Variants in GLRA3 observed in about 807,000 individuals in gnomAD.
GLRA3 encodes the protein glycine receptor subunit alpha-3.
Under a neutral mutation model 60.4 loss-of-function variants are expected in GLRA3, and 44 were observed. The ratio of observed to expected loss-of-function variants is 0.73; its 90% confidence interval spans 0.57 to 0.94. GLRA3 has a LOEUF of 0.94. GLRA3 is among the 40% of genes least tolerant of loss of function. The pLI is 0.00. For synonymous variants in GLRA3, 223 were observed against 192.9 expected, an observed-to-expected ratio of 1.16 and a Z score of -1.29; for missense variants, 508 against 564.6, an observed-to-expected ratio of 0.90 and a Z score of 1.02.
chr4:174,739,790 C>T (rs1434591559), intron 3 of GLRA3, among the ~76,000 whole-genome samples: 1 of 152,096 alleles, frequency 6.6e-6, no homozygotes, highest in Admixed American at 6.6e-5. Flanking sequence ...GGAAAGATGA[C>T]TCAGAAGGCA....
At position 174,741,954 on chromosome 4, in the gene GLRA3, A is replaced by G. The variant is rs546675028; in HGVS notation, c.268-13256T>C. ...TGAGTTTTGCTCATCTTTGAATCCAAATATATAAAATGTTTTTTCTTTTGC... is the reference window on the plus strand; with the variant it reads ...TGAGTTTTGCTCATCTTTGAATCCAGATATATAAAATGTTTTTTCTTTTGC... On this transcript the variant is annotated intron_variant, in intron 3 of 9. Coordinates refer to ENST00000274093, the MANE Select transcript of GLRA3 (RefSeq NM_006529.4). Among the ~76,000 whole-genome samples the G allele has an allele frequency of 1.3e-5, 2 of 152,268 alleles. 1 individual carries two copies. Among genetic ancestry groups the G allele is most frequent in the South Asian group, 4.1e-4 (2 of 4,828 alleles).
intron 7 of GLRA3, among the ~76,000 whole-genome samples, chr4:174,675,596 C>CCA (rs1734088065): frequency 6.6e-6 from 1 of 152,122 alleles, no homozygotes. Flanking sequence ...GAAATTTCCA[C>CCA]TATTACCCAG....
At chr4:174,671,046 A>G (rs916157578) in intron 7 of GLRA3, among the ~76,000 whole-genome samples, 2 of 151,856 alleles carry the variant, frequency 1.3e-5, no homozygotes, top group African/African-American at 2.4e-5. Flanking sequence ...GAATCATATT[A>G]GCTAGTATGA....
intron 4 of GLRA3, among the ~76,000 whole-genome samples, chr4:174,724,903 G>A (rs571477523): frequency 6.6e-6 from 1 of 152,190 alleles, no homozygotes; most frequent in South Asian, 2.1e-4. Flanking sequence ...TGTTTTTCCT[G>A]CATAAGATAT....
intron 9 of GLRA3, 57 bp downstream of exon 9, chr4:174,656,686 G>C: frequency 1.1e-6 from 1 of 934,472 alleles, no homozygotes; most frequent in Non-Finnish European, 1.8e-6. Flanking sequence ...AGAATATGCT[G>C]TCTGCTTTTT....
In GLRA3 at chr4:174,644,227, A is replaced by G. The variant is rs1228171277; in HGVS notation, c.1117-163T>C. On this transcript the variant is annotated intron_variant, in intron 9 of 9. Coordinates refer to ENST00000274093, the MANE Select transcript of GLRA3 (RefSeq NM_006529.4). Reference sequence around the variant, plus strand: ...TGAATTGGTTTTTATTCCCTATTGAAGTTTTATTAATTTATCTTGCTGCAT... The same window carrying G: ...TGAATTGGTTTTTATTCCCTATTGAGGTTTTATTAATTTATCTTGCTGCAT... 1.3e-5 allele frequency among the ~76,000 whole-genome samples: 2 copies of G among 152,168 alleles called. 1 individual carries two copies. The highest frequency in any genetic ancestry group is 4.1e-4 in the South Asian group (2 of 4,830).
intron 1 of GLRA3, among the ~76,000 whole-genome samples, chr4:174,823,449 T>C (rs1740830105): frequency 6.6e-6 from 1 of 151,964 alleles, no homozygotes. Flanking sequence ...TGCTTGAACC[T>C]GGGAGGCAGA....
intron 2 of GLRA3, among the ~76,000 whole-genome samples, chr4:174,783,694 A>T (rs564953983): frequency 4.6e-4 from 68 of 148,144 alleles, no homozygotes; most frequent in African/African-American, 1.6e-3. Context: ...GAAGACATTT[A>T]TGCAGCCAAA....
At position 174,642,791 on chromosome 4, in the gene GLRA3, G is replaced by A. The variant is rs1296851281; in HGVS notation, c.*995C>T. 8.7e-6 allele frequency: 7 copies of A among 802,138 alleles called. No homozygotes were observed. The highest frequency in any genetic ancestry group is 1.1e-5 in the Non-Finnish European group (7 of 663,374). The allele number at this position is 802,138 out of a possible 1,614,324, so 49.7% of individuals were successfully genotyped here. The stretch of plus-strand genomic sequence containing the variant: ...CCCATAAAACATTGATGGGAAAATG[G>A]TTTTTATTAAAAAATCTTCCATGAA... On this transcript the variant is annotated 3_prime_UTR_variant, in exon 10 of 10. Transcript: ENST00000274093.
chr4:174,716,578 T>C (rs1735925031), intron 4 of GLRA3, among the ~76,000 whole-genome samples: 1 of 152,170 alleles, frequency 6.6e-6, no homozygotes, highest in South Asian at 2.1e-4. Flanking sequence ...AATATTCCCA[T>C]TGAAATTCAG....
At chr4:174,709,215 C>T (rs932275591) in intron 5 of GLRA3, among the ~76,000 whole-genome samples, 5 of 151,950 alleles carry the variant, frequency 3.3e-5, no homozygotes, top group African/African-American at 1.2e-4. Flanking sequence ...GAAGGAAGGC[C>T]AGTGATCACT....
intron 3 of GLRA3, among the ~76,000 whole-genome samples, chr4:174,741,683 CTA>C (rs1294963710): frequency 2.0e-5 from 3 of 151,992 alleles, no homozygotes; most frequent in Admixed American, 2.0e-4. Context: ...CAAAGATTTT[CTA>C]TGTTTTTGTT....
At position 174,828,753 on chromosome 4, in the gene GLRA3, G is replaced by A. The variant is rs147829365; in HGVS notation, c.59C>T (p.Ala20Val). 1.6e-4 allele frequency: 254 copies of A among 1,607,402 alleles called. 2 individuals are homozygous for A. In the Admixed American group the frequency reaches 3.9e-3, roughly 25 times the overall value. The change falls in exon 1 of 10, where the codon GCA (alanine) becomes GTA (valine). Residue 20 changes from alanine (A) to valine (V), a missense_variant. Transcript: ENST00000274093. Reference sequence around the variant, plus strand: ...CAAGCGAACTCACCTGAGTAACAGTGCTGCTTCCCAGAAGTAAAATCCCGA... The same window carrying A: ...CAAGCGAACTCACCTGAGTAACAGTACTGCTTCCCAGAAGTAAAATCCCGA... ...LVSGFYFWEA[A>V]LLLSLVATKE...
intron 7 of GLRA3, among the ~76,000 whole-genome samples, chr4:174,660,151 C>T (rs1733380881): frequency 6.6e-6 from 1 of 151,984 alleles, no homozygotes; most frequent in Non-Finnish European, 1.5e-5. Flanking sequence ...AAAAATTTGA[C>T]ATTTATAACA....
At chr4:174,691,812 A>C in intron 5 of GLRA3, among the ~76,000 whole-genome samples, 1 of 151,236 alleles carries the variant, frequency 6.6e-6, no homozygotes, top group African/African-American at 2.4e-5. Flanking sequence ...CCCGGCCGCC[A>C]CCCCATCTGG....
Position 174,728,473 on chromosome 4 carries a change from A to G in GLRA3, c.491+2T>C. ...AATCGGCAATTTAAGTCCACGACTC[A>G]CCTTATTGAATAAAGAACATTTCCA... On this transcript the variant is annotated splice_donor_variant, in intron 4 of 9. Transcript: ENST00000274093. LOFTEE classifies it high-confidence loss of function. 2.7e-6 allele frequency: 4 copies of G among 1,497,736 alleles called. No homozygotes were observed. The highest frequency in any genetic ancestry group is 3.7e-6 in the Non-Finnish European group (4 of 1,075,340). 92.8% of individuals were successfully genotyped at this position (1,497,736 alleles called of 1,614,324 possible).
At chr4:174,781,393 C>T (rs1738864759) in intron 2 of GLRA3, among the ~76,000 whole-genome samples, 1 of 148,604 alleles carries the variant, frequency 6.7e-6, no homozygotes, top group Admixed American at 6.7e-5. Context: ...CCTAACATCA[C>T]TATTAAAAGA....
At chr4:174,727,179 A>T (rs1736361690) in intron 4 of GLRA3, among the ~76,000 whole-genome samples, 1 of 152,230 alleles carries the variant, frequency 6.6e-6, no homozygotes, top group Admixed American at 6.5e-5. Flanking sequence ...ATGTATTGGG[A>T]TGCAGAGATG....
At chr4:174,767,442 A>G (rs1319158194) in intron 2 of GLRA3, among the ~76,000 whole-genome samples, 2 of 151,988 alleles carry the variant, frequency 1.3e-5, no homozygotes, top group African/African-American at 4.8e-5. Context: ...TAGGTAACAT[A>G]AAGTGGCAAC....
Sources: allele counts gnomAD v4.1 joint callset (sites outside exome capture counted in the v4.1 genomes callset), GRCh38; gene constraint gnomAD v4.1.1; transcripts MANE v1.5; gene names NCBI Gene and HGNC (gene_info 2026-07-23, HGNC 2026-07-21).